The following PTPRM variants were observed in gnomAD, a reference collection of about 807,000 sequenced individuals.
PTPRM encodes the protein protein tyrosine phosphatase receptor type M.
A neutral mutation model predicts 186.7 loss-of-function variants in PTPRM; 47 were observed. The observed-to-expected ratio is 0.25, with a 90% CI of 0.20 to 0.32. PTPRM has a LOEUF of 0.32. PTPRM is among the 10% of genes least tolerant of loss of function. PTPRM has a pLI of 1.00. For missense variants in PTPRM, 1,494 were observed against 1,865.0 expected (o/e 0.80, Z 3.66); for synonymous variants, 668 against 674.9 (o/e 0.99, Z 0.16).
At chr18:7,815,631 A>C (rs2044774034) in intron 2 of PTPRM, 1 of 152,182 alleles carries the variant, frequency 6.6e-6, no homozygotes, top group Non-Finnish European at 1.5e-5. Flanking sequence ...TGTAGTGTGC[A>C]ATGAGCATGC....
At chr18:7,703,217 G>A (rs1474177655) in intron 1 of PTPRM, among the ~76,000 whole-genome samples, 1 of 152,150 alleles carries the variant, frequency 6.6e-6, no homozygotes, top group East Asian at 1.9e-4. Flanking sequence ...AAAGTCAGTG[G>A]TAGCTTGATG....
intron 1 of PTPRM, among the ~76,000 whole-genome samples, chr18:7,646,755 T>G (rs1231205011): frequency 6.6e-6 from 1 of 152,168 alleles, no homozygotes; most frequent in East Asian, 1.9e-4. Context: ...GAGCGCTTTG[T>G]TAGTGATTCT....
At chr18:7,989,458 G>A (rs546278184) in intron 7 of PTPRM, among the ~76,000 whole-genome samples, 1 of 152,226 alleles carries the variant, frequency 6.6e-6, no homozygotes, top group Admixed American at 6.5e-5. Context: ...GCCTCCTTGA[G>A]CAGGACGTGT....
chr18:7,818,540 CAG>C (rs1360241021), intron 2 of PTPRM, among the ~76,000 whole-genome samples: 1 of 152,132 alleles, frequency 6.6e-6, no homozygotes, highest in African/African-American at 2.4e-5. Flanking sequence ...GTGGGATACA[CAG>C]TGAATTCTGA....
intron 23 of PTPRM, among the ~76,000 whole-genome samples, chr18:8,349,568 C>A (rs181481077): frequency 9.2e-5 from 14 of 152,160 alleles, no homozygotes; most frequent in Non-Finnish European, 5.9e-5. Flanking sequence ...CTGACATAAG[C>A]CTTACCTCCC....
At chr18:8,056,178 A>G (rs28511885) in intron 7 of PTPRM, among the ~76,000 whole-genome samples, 3,254 of 152,326 alleles carry the variant, frequency 0.021, 104 homozygotes, top group African/African-American at 0.074. Flanking sequence ...GCTTTCATAC[A>G]AACACAATAA....
intron 1 of PTPRM, among the ~76,000 whole-genome samples, chr18:7,681,523 G>A (rs2039480486): frequency 6.6e-6 from 1 of 151,344 alleles, no homozygotes; most frequent in South Asian, 2.1e-4. Context: ...TCGTTGATGT[G>A]TATCTCTGCT....
At chr18:8,211,426 G>A (rs538301466) in intron 14 of PTPRM, among the ~76,000 whole-genome samples, 2 of 121,960 alleles carry the variant, frequency 1.6e-5, no homozygotes, top group African/African-American at 3.1e-5. Context: ...ACAGAGTCTC[G>A]CCCTGTCGCC....
At chr18:7,709,494 A>G (rs2040167162) in intron 1 of PTPRM, among the ~76,000 whole-genome samples, 1 of 152,138 alleles carries the variant, frequency 6.6e-6, no homozygotes, top group Non-Finnish European at 1.5e-5. Flanking sequence ...TCACACCTCA[A>G]AGAACTAGAG....
intron 32 of PTPRM, among the ~76,000 whole-genome samples, chr18:8,401,990 G>T (rs1239335210): frequency 6.6e-6 from 1 of 152,180 alleles, no homozygotes; most frequent in African/African-American, 2.4e-5. Flanking sequence ...ACCTCCTCAT[G>T]CCCGAAGCCA....
intron 13 of PTPRM, among the ~76,000 whole-genome samples, chr18:8,142,268 A>G (rs913908224): frequency 5.3e-5 from 8 of 152,136 alleles, no homozygotes; most frequent in African/African-American, 1.9e-4. Flanking sequence ...GCGGCTCTCA[A>G]ATGATTGGAA....
At chr18:8,088,942 C>T in intron 11 of PTPRM, 91 bp downstream of exon 11, 2 of 967,374 alleles carry the variant, frequency 2.1e-6, no homozygotes, top group Admixed American at 2.0e-5. Flanking sequence ...GGATTTGCTG[C>T]AAATCTCAGC....
chr18:8,258,105 A>AGAAAATG (rs2094591931), intron 19 of PTPRM, among the ~76,000 whole-genome samples: 1 of 152,256 alleles, frequency 6.6e-6, no homozygotes, highest in South Asian at 2.1e-4. Flanking sequence ...TGAATTGAAC[A>AGAAAATG]GAAAATGGCA....
At chr18:8,152,192 C>G (rs741110) in intron 14 of PTPRM, among the ~76,000 whole-genome samples, 6,097 of 152,210 alleles carry the variant, frequency 0.04, 267 homozygotes, top group African/African-American at 0.11. Context: ...GTTGAATATG[C>G]TACTGTGGAC....
intron 32 of PTPRM, among the ~76,000 whole-genome samples, chr18:8,397,231 T>C (rs1439575288): frequency 2.0e-5 from 3 of 152,218 alleles, no homozygotes; most frequent in Non-Finnish European, 4.4e-5. Context: ...CTGCATTCCC[T>C]CATGGTCCCT....
intron 2 of PTPRM, among the ~76,000 whole-genome samples, chr18:7,850,683 T>G (rs890759078): frequency 6.6e-6 from 1 of 152,236 alleles, no homozygotes; most frequent in African/African-American, 2.4e-5. Flanking sequence ...GCCAAGCTTC[T>G]GATCATGCAA....
intron 21 of PTPRM, among the ~76,000 whole-genome samples, chr18:8,317,585 C>T (rs1285050590): frequency 6.6e-6 from 1 of 152,100 alleles, no homozygotes; most frequent in Non-Finnish European, 1.5e-5. Context: ...TGTCCAACAA[C>T]CAGGCCTTCC....
intron 7 of PTPRM, among the ~76,000 whole-genome samples, chr18:8,015,291 G>A (rs1270020053): frequency 2.0e-5 from 3 of 152,180 alleles, no homozygotes; most frequent in Non-Finnish European, 2.9e-5. Context: ...AGAAACAGTT[G>A]ATTGACACAT....
At chr18:7,810,815 T>A (rs1247549971) in intron 2 of PTPRM, among the ~76,000 whole-genome samples, 1 of 152,224 alleles carries the variant, frequency 6.6e-6, no homozygotes, top group Non-Finnish European at 1.5e-5. Flanking sequence ...CTCCATAGCA[T>A]TATTTTTTCT....
Sources: gnomAD v4.1 joint callset for allele counts (sites outside exome capture counted in the v4.1 genomes callset) on GRCh38, gnomAD v4.1.1 for gene constraint, MANE v1.5 for transcripts, NCBI Gene and HGNC (gene_info 2026-07-23, HGNC 2026-07-21) for gene names.